The following CNTN5 variants were observed in gnomAD, a reference collection of about 807,000 sequenced individuals.
CNTN5 encodes contactin 5, also known as contactin-5.
A neutral mutation model predicts 129.1 loss-of-function variants in CNTN5; 77 were observed. The ratio of observed to expected loss-of-function variants is 0.60; its 90% confidence interval spans 0.50 to 0.72. The LOEUF (loss-of-function observed/expected upper bound fraction) is 0.72, where lower values mean the gene tolerates loss of function less well. Ranked by LOEUF, CNTN5 falls within the 30% of genes least tolerant of loss-of-function variation. The probability of loss-of-function intolerance (pLI) is 0.00; values close to 1 mark genes in which losing one functional copy is unlikely to be tolerated. For missense variants in CNTN5, 1,478 were observed against 1,328.8 expected (o/e 1.11, Z -1.75); for synonymous variants, 509 against 465.6 (o/e 1.09, Z -1.20).
intron 16 of CNTN5, among the ~76,000 whole-genome samples, chr11:100,253,912 C>A (rs1235591784): frequency 6.6e-6 from 1 of 150,586 alleles, no homozygotes; most frequent in African/African-American, 2.5e-5. Context: ...TCTTGCAACA[C>A]AATTCCTACT....
chr11:100,024,149 G>A (rs1941295810), intron 9 of CNTN5, among the ~76,000 whole-genome samples: 1 of 152,118 alleles, frequency 6.6e-6, no homozygotes, highest in Admixed American at 6.6e-5. Context: ...GAATCATGAA[G>A]GCAGTTTCCT....
intron 1 of CNTN5, among the ~76,000 whole-genome samples, chr11:99,281,135 G>C (rs75603149): frequency 0.094 from 14,250 of 151,806 alleles, 719 homozygotes; most frequent in South Asian, 0.13. Context: ...ACAGGTTACT[G>C]AATAGAATTA....
chr11:99,435,775 T>G (rs1324861260), intron 2 of CNTN5, among the ~76,000 whole-genome samples: 1 of 152,174 alleles, frequency 6.6e-6, no homozygotes, highest in Non-Finnish European at 1.5e-5. Context: ...CATCATTTAT[T>G]GGAGAATCGT....
At chr11:100,243,425 C>T (rs1199450278) in intron 16 of CNTN5, among the ~76,000 whole-genome samples, 1 of 152,142 alleles carries the variant, frequency 6.6e-6, no homozygotes, top group Non-Finnish European at 1.5e-5. Flanking sequence ...GAAGCCCTGC[C>T]ATGTATACCT....
At chr11:99,505,877 T>C (rs778660852) in intron 2 of CNTN5, among the ~76,000 whole-genome samples, 3 of 152,328 alleles carry the variant, frequency 2.0e-5, no homozygotes, top group South Asian at 2.1e-4. Context: ...CTCCTGGTCA[T>C]TGGTCCATAA....
At chr11:99,834,327 A>G (rs1444440702) in intron 4 of CNTN5, among the ~76,000 whole-genome samples, 7 of 152,258 alleles carry the variant, frequency 4.6e-5, no homozygotes, top group Admixed American at 4.6e-4. Flanking sequence ...GTTGTCTATT[A>G]TAATTCTGAA....
At chr11:99,390,275 G>A (rs1941190479) in intron 2 of CNTN5, among the ~76,000 whole-genome samples, 1 of 151,978 alleles carries the variant, frequency 6.6e-6, no homozygotes, top group Non-Finnish European at 1.5e-5. Flanking sequence ...GTACCACTAA[G>A]CCCAGCTCAT....
chr11:99,471,462 T>C (rs12793658), intron 2 of CNTN5, among the ~76,000 whole-genome samples: 22,503 of 151,976 alleles, frequency 0.15, 2,001 homozygotes, highest in East Asian at 0.4. Context: ...CCTTTCCTGG[T>C]CTAAATTTGT....
intron 15 of CNTN5, among the ~76,000 whole-genome samples, chr11:100,211,012 G>A (rs1020135934): frequency 6.6e-6 from 1 of 152,114 alleles, no homozygotes; most frequent in Non-Finnish European, 1.5e-5. Context: ...AAAACTGTCT[G>A]TAGTTAGCTT....
intron 4 of CNTN5, among the ~76,000 whole-genome samples, chr11:99,839,865 C>G (rs980650118): frequency 6.6e-6 from 1 of 151,900 alleles, no homozygotes; most frequent in Admixed American, 6.6e-5. Flanking sequence ...ATGGAGAGAA[C>G]TTTTTTTCTT....
intron 8 of CNTN5, among the ~76,000 whole-genome samples, chr11:99,964,332 A>T (rs1951033408): frequency 6.6e-6 from 1 of 152,180 alleles, no homozygotes; most frequent in African/African-American, 2.4e-5. Flanking sequence ...GATACGTCCC[A>T]TCAATACCTA....
intron 23 of CNTN5, among the ~76,000 whole-genome samples, chr11:100,343,750 C>T (rs375684036): frequency 1.1e-3 from 174 of 152,184 alleles, no homozygotes; most frequent in African/African-American, 4.0e-3. Context: ...AAGGTGCACA[C>T]TAATATAGAA....
chr11:100,002,272 C>G lies in CNTN5; in HGVS notation c.980+136C>G, dbSNP rs542996213. ...GGCTATTTATTTTCTAAAAGAAGGTCAAATGGCAATTGATGAAGTAATCAG... is the reference window on the plus strand; with the variant it reads ...GGCTATTTATTTTCTAAAAGAAGGTGAAATGGCAATTGATGAAGTAATCAG... On this transcript the variant is annotated intron_variant, in intron 9 of 24. Coordinates refer to ENST00000524871, the MANE Select transcript of CNTN5 (RefSeq NM_014361.4). 5.5e-6 allele frequency: 3 copies of G among 548,960 alleles called. No individual in the cohort carries two copies. The African/African-American group carries it at 6.0e-5, about 11-fold the overall frequency. 34.0% of individuals were successfully genotyped at this position (548,960 alleles called of 1,614,324 possible). A position where few individuals can be genotyped will look rare whatever the true frequency, so the allele number is the denominator to read the frequency against.
intron 9 of CNTN5, among the ~76,000 whole-genome samples, chr11:100,046,336 A>G (rs1300258145): frequency 6.6e-6 from 1 of 152,210 alleles, no homozygotes; most frequent in Non-Finnish European, 1.5e-5. Flanking sequence ...AGCTCACTGC[A>G]TGATATTCTC....
chr11:99,780,738 C>T (rs1002365245), intron 3 of CNTN5, among the ~76,000 whole-genome samples: 6 of 152,010 alleles, frequency 3.9e-5, no homozygotes, highest in Non-Finnish European at 5.9e-5. Context: ...AGTAAAATTA[C>T]GCTTTATAAA....
intron 7 of CNTN5, among the ~76,000 whole-genome samples, chr11:99,941,288 T>C (rs891844957): frequency 2.0e-5 from 3 of 152,080 alleles, no homozygotes; most frequent in African/African-American, 7.2e-5. Context: ...AGACAAATCA[T>C]TTTAATTATT....
At chr11:99,131,442 C>T (rs1275122248) in intron 1 of CNTN5, among the ~76,000 whole-genome samples, 2 of 151,390 alleles carry the variant, frequency 1.3e-5, no homozygotes, top group Admixed American at 1.3e-4. Context: ...CTCAAAAAAC[C>T]CTTCAAAAAT....
At chr11:99,660,266 C>A (rs185981723) in intron 3 of CNTN5, among the ~76,000 whole-genome samples, 15 of 152,056 alleles carry the variant, frequency 9.9e-5, no homozygotes, top group Admixed American at 3.9e-4. Flanking sequence ...TGTATGTAAA[C>A]CTTAGAAAGT....
At chr11:100,132,981 T>A (rs1476068438) in intron 13 of CNTN5, among the ~76,000 whole-genome samples, 1 of 151,792 alleles carries the variant, frequency 6.6e-6, no homozygotes, top group Admixed American at 6.6e-5. Context: ...ATAGACTTTA[T>A]GTATTATAAA....
Sources: allele counts gnomAD v4.1 joint callset (sites outside exome capture counted in the v4.1 genomes callset), GRCh38; gene constraint gnomAD v4.1.1; transcripts MANE v1.5; gene names NCBI Gene and HGNC (gene_info 2026-07-23, HGNC 2026-07-21).